The following GALNT9 variants were observed in gnomAD, a reference collection of about 807,000 sequenced individuals.
The protein encoded by GALNT9 is polypeptide N-acetylgalactosaminyltransferase 9, also known as GalNAc transferase 9.
A neutral mutation model predicts 63.1 loss-of-function variants in GALNT9; 47 were observed. That is an observed-to-expected ratio of 0.75 (90% CI 0.59 to 0.95). The LOEUF (loss-of-function observed/expected upper bound fraction) is 0.95. Among genes scored for constraint, GALNT9 ranks in the 40% least tolerant of loss-of-function variants. GALNT9 has a pLI of 0.00. For missense variants in GALNT9, 829 were observed against 874.8 expected (o/e 0.95, Z 0.66); for synonymous variants, 396 against 365.7 (o/e 1.08, Z -0.94).
At chr12:132,295,896 C>G (rs1006842380) in intron 1 of GALNT9, among the ~76,000 whole-genome samples, 6 of 118,660 alleles carry the variant, frequency 5.1e-5, no homozygotes, top group Non-Finnish European at 8.5e-5. Flanking sequence ...GGAGAGCCTC[C>G]GAACAGGGAG....
At position 132,296,446 on chromosome 12, in the gene GALNT9, CAA is replaced by C. The variant is rs1881080216; in HGVS notation, c.239-10018_239-10017del. 6.6e-6 allele frequency among the ~76,000 whole-genome samples: 1 copy of C among 152,244 alleles called. No individual in the cohort carries two copies. The highest frequency in any genetic ancestry group is 1.5e-5 in the Non-Finnish European group (1 of 68,040). On this transcript the variant is annotated intron_variant, in intron 1 of 10. Transcript: ENST00000328957. The surrounding 1 kb of genome is among the most constrained non-coding windows in gnomAD (Gnocchi z 4.2). Reference sequence around the variant, plus strand: ...TTCCTGGGCTGCGTGATATCAATCCCAAGTTTTCCTCTTTGAAATCCCAGCTT... The same window carrying C: ...TTCCTGGGCTGCGTGATATCAATCCCGTTTTCCTCTTTGAAATCCCAGCTT...
At chr12:132,226,351 C>T (rs903230196) in intron 6 of GALNT9, among the ~76,000 whole-genome samples, 17 of 150,652 alleles carry the variant, frequency 1.1e-4, no homozygotes, top group African/African-American at 3.9e-4. Flanking sequence ...ATCCCTTATA[C>T]CCCATATACA....
In GALNT9 at chr12:132,246,155, G is replaced by C. The variant is rs1878700821; in HGVS notation, c.1077+1755C>G. ...GTTCAATCCACGGCCGACCCGCCAA[G>C]GTCTGGTGTTTAACAATCACAGCAG... On this transcript the variant is annotated intron_variant, in intron 6 of 10. Coordinates refer to ENST00000328957, the MANE Select transcript of GALNT9 (RefSeq NM_001122636.2). The surrounding 1 kb of genome is among the most constrained non-coding windows in gnomAD (Gnocchi z 4.7). 6.6e-6 allele frequency among the ~76,000 whole-genome samples: 1 copy of C among 152,256 alleles called. No homozygotes were observed. The highest frequency in any genetic ancestry group is 1.5e-5 in the Non-Finnish European group (1 of 68,044).
chr12:132,220,876 G>C (rs1877415395), intron 6 of GALNT9, among the ~76,000 whole-genome samples: 1 of 151,968 alleles, frequency 6.6e-6, no homozygotes, highest in South Asian at 2.1e-4. Context: ...GGCCAACATG[G>C]TGAAACCCTG....
intron 5 of GALNT9, among the ~76,000 whole-genome samples, chr12:132,257,377 C>T (rs1022124258): frequency 6.7e-6 from 1 of 150,214 alleles, no homozygotes; most frequent in Non-Finnish European, 1.5e-5. Flanking sequence ...CCGACACTCA[C>T]CGTGGTCTCT....
chr12:132,224,672 C>G (rs1877576886), intron 6 of GALNT9, among the ~76,000 whole-genome samples: 2 of 101,062 alleles, frequency 2.0e-5, no homozygotes, highest in Admixed American at 2.0e-4. Context: ...TGTACCTATA[C>G]ACCCCACACT....
intron 6 of GALNT9, chr12:132,240,476 G>A (rs2136898289): frequency 2.1e-5 from 8 of 385,204 alleles, no homozygotes; most frequent in Non-Finnish European, 3.0e-5. Flanking sequence ...AAGAATAGCC[G>A]TGCCCAGCTC....
At chr12:132,320,540 G>A (rs74532868) in intron 1 of GALNT9, among the ~76,000 whole-genome samples, 4,861 of 93,326 alleles carry the variant, frequency 0.052, 245 homozygotes, top group African/African-American at 0.16. Context: ...AACATGTATC[G>A]TTTTACTAGT....
At position 132,257,871 on chromosome 12, in the gene GALNT9, C is replaced by A. The variant is rs782699347; in HGVS notation, c.777G>T (p.Leu259=). 3.9e-5 allele frequency: 61 copies of A among 1,544,520 alleles called. No homozygotes were observed. Among genetic ancestry groups the A allele is most frequent in the Non-Finnish European group, 4.4e-6 (5 of 1,144,486 alleles). ...GACGCCGGTCCTCTCGGATCCGCGA[C>A]AGTGCGGGCTCGGCCCTGCGGAGGC... ...EFNTGWAEPA[L]SRIREDRRRI... is the part of the protein sequence containing the mutation. The change falls in exon 5 of 11, where the codon CTG becomes CTT. Residue 259 remains leucine (L), a synonymous_variant. Coordinates refer to ENST00000328957, the MANE Select transcript of GALNT9 (RefSeq NM_001122636.2).
chr12:132,284,548 G>A (rs1397729413), intron 2 of GALNT9: 1 of 152,264 alleles, frequency 6.6e-6, no homozygotes, highest in Non-Finnish European at 1.5e-5. Flanking sequence ...GGCATCACTT[G>A]TGTTAAATCA....
At chr12:132,220,877 T>C (rs1028859437) in intron 6 of GALNT9, among the ~76,000 whole-genome samples, 5 of 151,154 alleles carry the variant, frequency 3.3e-5, no homozygotes, top group Admixed American at 2.0e-4. Flanking sequence ...GCCAACATGG[T>C]GAAACCCTGT....
intron 1 of GALNT9, among the ~76,000 whole-genome samples, chr12:132,321,646 C>A (rs567783861): frequency 5.9e-5 from 9 of 152,276 alleles, no homozygotes; most frequent in African/African-American, 2.2e-4. Flanking sequence ...CGACACCCAG[C>A]ACTTCCCCCG....
chr12:132,240,926 A>T (rs2136900179), intron 6 of GALNT9, among the ~76,000 whole-genome samples: 11 of 94,514 alleles, frequency 1.2e-4, no homozygotes, highest in African/African-American at 4.9e-4. Context: ...CCCTATCCCC[A>T]TTACACACAC....
chr12:132,245,996 C>CCT lies in GALNT9; in HGVS notation c.1077+1912_1077+1913dup, dbSNP rs1355974829. ...CCCGGCACCCTCCCCAGGCTGTCCT[C>CCT]CTCGTCTCTGCGGTGCGTTCCATCC... On this transcript the variant is annotated intron_variant, in intron 6 of 10. Transcript: ENST00000328957. This position sits in a 1 kb window ranked among gnomAD's most constrained non-coding sequence, Gnocchi z 6.3. Among the ~76,000 whole-genome samples, 47 of 152,362 alleles carry CCT rather than the reference C, an allele frequency of 3.1e-4. No homozygotes were observed. The highest frequency in any genetic ancestry group is 1.1e-3 in the African/African-American group (45 of 41,584).
chr12:132,197,177 C>T lies in GALNT9; in HGVS notation c.1742G>A (p.Arg581Gln), dbSNP rs761228375. ...CCCCGAGCACCTCTGTACCACCAGC[C>T]GGAGCCCAAAGTTGGCATCTTTGGA... ...EMSKDANFGL[R>Q]LVVQRCSGQK... The change falls in exon 11 of 11, where the codon CGG becomes CAG. Residue 581 changes from arginine (R) to glutamine (Q), a missense_variant. By Grantham distance (43) the Arg-to-Gln change is conservative. Transcript: ENST00000328957. 59 of 1,614,014 alleles carry T rather than the reference C, an allele frequency of 3.7e-5. No homozygotes were observed. Among genetic ancestry groups the T allele is most frequent in the East Asian group, 6.7e-5 (3 of 44,890 alleles).
At chr12:132,305,341 GCCCTCACCCGGGCACA>G (rs1381405968) in intron 1 of GALNT9, among the ~76,000 whole-genome samples, 1,041 of 7,642 alleles carry the variant, frequency 0.14, 146 homozygotes, top group East Asian at 0.7. Context: ...ACCCAGACAC[GCCCTCACCCGGGCACA>G]CCCTCACCCG....
In GALNT9 at chr12:132,296,015, TCCGGAACAGGGAGAGC is replaced by T. The variant is rs1566016708; in HGVS notation, c.239-9601_239-9586del. 4.8e-5 allele frequency among the ~76,000 whole-genome samples: 6 copies of T among 126,304 alleles called. No individual in the cohort carries two copies. The highest frequency in any genetic ancestry group is 1.0e-4 in the African/African-American group (3 of 28,616). The allele number at this position is 126,304 out of a possible 152,430, so 82.9% of individuals were successfully genotyped here. A position where few individuals can be genotyped will look rare whatever the true frequency, so the allele number is the denominator to read the frequency against. Reference sequence around the variant, plus strand: ...GACGGCCTCCGGAACAGGGAGAGCCTCCGGAACAGGGAGAGCCTCCAGAACAGGGAGAGCCTCTGAA... The same window carrying T: ...GACGGCCTCCGGAACAGGGAGAGCCTCTCCAGAACAGGGAGAGCCTCTGAA... On this transcript the variant is annotated intron_variant, in intron 1 of 10. Coordinates refer to ENST00000328957, the MANE Select transcript of GALNT9 (RefSeq NM_001122636.2). This position sits in a 1 kb window ranked among gnomAD's most constrained non-coding sequence, Gnocchi z 4.2.
chr12:132,210,136 C>T (rs1876890272), intron 6 of GALNT9, among the ~76,000 whole-genome samples: 1 of 152,218 alleles, frequency 6.6e-6, no homozygotes, highest in Admixed American at 6.5e-5. Flanking sequence ...CAGGAGACTC[C>T]TCCAGAGATG....
intron 6 of GALNT9, among the ~76,000 whole-genome samples, chr12:132,204,092 TACAA>T (rs1232283913): frequency 6.6e-6 from 1 of 151,764 alleles, no homozygotes; most frequent in African/African-American, 2.4e-5. Flanking sequence ...ACAATCTGTT[TACAA>T]ACAGCTGCTT....
Sources: gnomAD v4.1 joint callset for allele counts (sites outside exome capture counted in the v4.1 genomes callset) on GRCh38, gnomAD v4.1.1 for gene constraint, Gnocchi (gnomAD v3.1) non-coding constraint, MANE v1.5 for transcripts, NCBI Gene and HGNC (gene_info 2026-07-23, HGNC 2026-07-21) for gene names.